The following STS variants were observed in gnomAD, a reference collection of about 807,000 sequenced individuals.
The protein encoded by STS is steryl-sulfatase.
Under a neutral mutation model 26.8 loss-of-function variants are expected in STS, and 7 were observed. That is an observed-to-expected ratio of 0.26 (90% confidence interval 0.15 to 0.49). The LOEUF is 0.49. Ranked by LOEUF, STS falls within the 20% of genes least tolerant of loss-of-function variation. The probability of loss-of-function intolerance (pLI) is 0.98; values close to 1 mark genes in which losing one functional copy is unlikely to be tolerated. For missense variants in STS, 434 were observed against 465.6 expected, an observed-to-expected ratio of 0.93 and a Z score of 0.63; for synonymous variants, 199 against 189.4, an observed-to-expected ratio of 1.05 and a Z score of -0.42.
At chrX:7,185,167 A>T (rs1020593422) in intron 1 of STS, among the ~76,000 whole-genome samples, 2 of 112,341 alleles carry the variant, frequency 1.8e-5, no homozygotes, top group East Asian at 5.6e-4. Flanking sequence ...GCCGTCTGTC[A>T]TGTGAACCTG....
intron 2 of STS, among the ~76,000 whole-genome samples, chrX:7,242,457 G>T (rs1299504085): frequency 9.2e-6 from 1 of 108,700 alleles, no homozygotes; most frequent in East Asian, 2.9e-4. Flanking sequence ...AAAATTAGCT[G>T]GTCATGGTGG....
intron 2 of STS, among the ~76,000 whole-genome samples, chrX:7,242,355 A>C: frequency 9.0e-6 from 1 of 110,535 alleles, no homozygotes; most frequent in Non-Finnish European, 1.9e-5. Context: ...TATAATGAAC[A>C]ACTATGGCCT....
At chrX:7,280,512 G>A (rs776884168) in intron 7 of STS, among the ~76,000 whole-genome samples, 1 of 112,134 alleles carries the variant, frequency 8.9e-6, no homozygotes, top group Non-Finnish European at 1.9e-5. Flanking sequence ...AAGAACAAAC[G>A]TGTAAAATCT....
At chrX:7,262,689 C>T (rs1393297374) in intron 6 of STS, among the ~76,000 whole-genome samples, 7 of 111,628 alleles carry the variant, frequency 6.3e-5, no homozygotes, top group African/African-American at 2.3e-4. Context: ...CCATGGAAAT[C>T]TCATGAACAG....
intron 8 of STS, among the ~76,000 whole-genome samples, chrX:7,325,082 T>C (rs1927347215): frequency 8.9e-6 from 1 of 111,920 alleles, no homozygotes; most frequent in African/African-American, 3.3e-5. Flanking sequence ...TTTGTTGCGT[T>C]GAGTCCCTCT....
Position 7,219,749 on chromosome X carries a change from G to A in STS, c.-5+28741G>A, listed in dbSNP as rs1322620063. On this transcript the variant is annotated intron_variant, in intron 2 of 10. Coordinates refer to ENST00000674429, the MANE Select transcript of STS (RefSeq NM_001320752.2). ...AACCCTGAAACATACTAGTTGGGATGTTCACAGCAGCTACCTGCTTGTGTT... is the reference window on the plus strand; with the variant it reads ...AACCCTGAAACATACTAGTTGGGATATTCACAGCAGCTACCTGCTTGTGTT... 4 of 1,126,604 alleles carry A rather than the reference G, an allele frequency of 3.6e-6. No individual in the cohort carries two copies. In the African/African-American group the frequency reaches 5.4e-5, roughly 15 times the overall value. The allele number at this position is 1,126,604 out of a possible 1,213,427, so 92.8% of individuals were successfully genotyped here.
rs201554545 is a variant in STS, at chrX:7,260,418, T to G, written c.806+646T>G. The stretch of plus-strand genomic sequence containing the variant: ...CCCACTGGTTTTTTGTTTGTTTGTT[T>G]GTTTGAGAGGGAATCTCTCTGTGTC... On this transcript the variant is annotated intron_variant, in intron 6 of 10. Coordinates refer to ENST00000674429, the MANE Select transcript of STS (RefSeq NM_001320752.2). Among the ~76,000 whole-genome samples, 16 of 111,286 alleles carry G rather than the reference T, an allele frequency of 1.4e-4. No individual in the cohort carries two copies. In the East Asian group the frequency reaches 3.7e-3, roughly 26 times the overall value.
chrX:7,221,646 G>T (rs1450372726), intron 2 of STS, among the ~76,000 whole-genome samples: 1 of 111,847 alleles, frequency 8.9e-6, no homozygotes, highest in Admixed American at 9.5e-5. Context: ...ACCATCTTTA[G>T]GAATATGAAT....
rs987571556 is a variant in STS, at chrX:7,325,373, G to A, written c.1116G>A (p.Arg372=). The change falls in exon 9 of 11, where the codon CGG becomes CGA. Residue 372 remains arginine, a synonymous_variant. Transcript: ENST00000674429. ...GKANNWEGGI[R]VPGILRWPRV... ...CAAACAACTGGGAAGGAGGTATCCG[G>A]GTTCCAGGCATCCTTCGTTGGCCCA... 1 of 1,211,461 alleles carries A rather than the reference G, an allele frequency of 8.3e-7. No homozygotes were observed. The highest frequency in any genetic ancestry group is 1.1e-6 in the Non-Finnish European group (1 of 895,368).
intron 1 of STS, among the ~76,000 whole-genome samples, chrX:7,153,817 C>T (rs1382839370): frequency 9.5e-6 from 1 of 105,563 alleles, no homozygotes. Flanking sequence ...TCAACTCCCT[C>T]CCTCTCTGCT....
chrX:7,304,320 C>T (rs1206748245), intron 7 of STS, among the ~76,000 whole-genome samples: 1 of 111,660 alleles, frequency 9.0e-6, no homozygotes, highest in Non-Finnish European at 1.9e-5. Context: ...GTAGACAGTG[C>T]TCAACAGAGG....
chrX:7,171,553 C>T (rs1933467203), intron 1 of STS, among the ~76,000 whole-genome samples: 1 of 111,997 alleles, frequency 8.9e-6, no homozygotes, highest in South Asian at 3.7e-4. Flanking sequence ...AAGAGCCTCT[C>T]TTGCAATCCC....
chrX:7,175,848 C>A (rs1419818075), intron 1 of STS, among the ~76,000 whole-genome samples: 3 of 111,648 alleles, frequency 2.7e-5, no homozygotes, highest in African/African-American at 9.8e-5. Flanking sequence ...ACTTAGTCAT[C>A]TGTTTGGCTG....
Position 7,350,498 on chromosome X carries a change from C to T in STS, c.*237C>T. The T allele has an allele frequency of 2.3e-6, 1 of 434,378 alleles. No individual in the cohort carries two copies. Among genetic ancestry groups the T allele is most frequent in the Non-Finnish European group, 3.9e-6 (1 of 253,566 alleles). 35.8% of individuals were successfully genotyped at this position (434,378 alleles called of 1,213,427 possible). A position where few individuals can be genotyped will look rare whatever the true frequency, so the allele number is the denominator to read the frequency against. On this transcript the variant is annotated 3_prime_UTR_variant, in exon 11 of 11. Coordinates refer to ENST00000674429, the MANE Select transcript of STS (RefSeq NM_001320752.2). ...ATGGTAGGTTTATGCCTTCTGTGGC[C>T]AGAGTCTTGGACTCATGGAAATAGA... is the stretch of plus-strand genomic sequence containing the variant.
intron 3 of STS, among the ~76,000 whole-genome samples, chrX:7,255,959 G>A (rs1427967298): frequency 8.9e-6 from 1 of 112,244 alleles, no homozygotes; most frequent in Non-Finnish European, 1.9e-5. Flanking sequence ...CCTACAGGCA[G>A]CCATCTTGAA....
rs1417704472 is a variant in STS, at chrX:7,201,110, TAGAC to T, written c.-5+10106_-5+10109del. On this transcript the variant is annotated intron_variant, in intron 2 of 10. Transcript: ENST00000674429. ...GATAAATAGATGGCTACATGGATGA[TAGAC>T]AGATATATAGATAGATGATGGATGA... 8.1e-5 allele frequency among the ~76,000 whole-genome samples: 9 copies of T among 110,720 alleles called. No individual in the cohort carries two copies. In the South Asian group the frequency reaches 1.2e-3, roughly 14 times the overall value.
At chrX:7,250,900 A>C (rs1222850966) in intron 2 of STS, among the ~76,000 whole-genome samples, 5 of 112,486 alleles carry the variant, frequency 4.4e-5, no homozygotes, top group Admixed American at 9.4e-5. Flanking sequence ...CACAACATTT[A>C]AAGTGCAGAC....
intron 1 of STS, among the ~76,000 whole-genome samples, chrX:7,187,621 C>T (rs1417628755): frequency 8.9e-6 from 1 of 112,027 alleles, no homozygotes; most frequent in Non-Finnish European, 1.9e-5. Flanking sequence ...TTGACATTTT[C>T]ACAGTCAAAA....
At chrX:7,206,802 C>T (rs1920953044) in intron 2 of STS, among the ~76,000 whole-genome samples, 1 of 112,395 alleles carries the variant, frequency 8.9e-6, no homozygotes, top group Non-Finnish European at 1.9e-5. Flanking sequence ...GATACATCAT[C>T]TCGATCCAAT....
Sources: gnomAD v4.1 joint callset for allele counts (sites outside exome capture counted in the v4.1 genomes callset) on GRCh38, gnomAD v4.1.1 for gene constraint, MANE v1.5 for transcripts, NCBI Gene and HGNC (gene_info 2026-07-23, HGNC 2026-07-21) for gene names.